The following EYA1 variants were observed in gnomAD, a reference collection of about 807,000 sequenced individuals.
The protein encoded by EYA1 is protein phosphatase EYA1.
In EYA1, 16 loss-of-function variants were observed where a neutral mutation model predicts 82.0. The observed-to-expected ratio is 0.20, with a 90% CI of 0.13 to 0.30. The LOEUF (loss-of-function observed/expected upper bound fraction) is 0.30. EYA1 is among the 10% of genes least tolerant of loss of function. EYA1 has a pLI of 1.00. For missense variants in EYA1, 633 were observed against 730.7 expected, an observed-to-expected ratio of 0.87 and a Z score of 1.54; for synonymous variants, 261 against 264.4, an observed-to-expected ratio of 0.99 and a Z score of 0.12.
At chr8:71,285,929 C>A (rs1818317169) in intron 9 of EYA1, among the ~76,000 whole-genome samples, 1 of 151,962 alleles carries the variant, frequency 6.6e-6, no homozygotes, top group Non-Finnish European at 1.5e-5. Context: ...TTAAGATAAC[C>A]CACCAAATAT....
At chr8:71,323,717 G>A (rs1822842219) in intron 4 of EYA1, among the ~76,000 whole-genome samples, 1 of 152,192 alleles carries the variant, frequency 6.6e-6, no homozygotes, top group Non-Finnish European at 1.5e-5. Flanking sequence ...TCTGTTCCAG[G>A]TGCTGTGCTA....
At chr8:71,493,918 G>A (rs1414392832) in intron 2 of EYA1, among the ~76,000 whole-genome samples, 1 of 145,528 alleles carries the variant, frequency 6.9e-6, no homozygotes, top group Non-Finnish European at 1.5e-5. Context: ...AGCTACTTGG[G>A]AGGCTGAGGC....
chr8:71,407,696 A>T (rs1307512314), intron 2 of EYA1, among the ~76,000 whole-genome samples: 1 of 121,606 alleles, frequency 8.2e-6, no homozygotes, highest in Non-Finnish European at 1.7e-5. Context: ...GAAATGAGCA[A>T]AGCCTCCAAG....
intron 12 of EYA1, among the ~76,000 whole-genome samples, chr8:71,238,223 TTTTC>T (rs1812076073): frequency 6.6e-6 from 1 of 152,190 alleles, no homozygotes; most frequent in Non-Finnish European, 1.5e-5. Context: ...CATACACAAT[TTTTC>T]TTTAAGTTGG....
intron 9 of EYA1, among the ~76,000 whole-genome samples, chr8:71,280,631 T>C (rs1817705966): frequency 6.6e-6 from 1 of 152,268 alleles, no homozygotes. Context: ...AATTCTCATG[T>C]GGCTGAATGC....
At chr8:71,242,619 A>T (rs1196082141) in intron 12 of EYA1, among the ~76,000 whole-genome samples, 1 of 152,142 alleles carries the variant, frequency 6.6e-6, no homozygotes, top group Non-Finnish European at 1.5e-5. Context: ...GTCTCTATAT[A>T]ATCAGTGTAA....
At chr8:71,434,018 T>A (rs1441047111) in intron 2 of EYA1, among the ~76,000 whole-genome samples, 1 of 152,162 alleles carries the variant, frequency 6.6e-6, no homozygotes, top group African/African-American at 2.4e-5. Flanking sequence ...AATGGCCAAT[T>A]CATGATGTGT....
chr8:71,382,337 A>G (rs988317362), intron 2 of EYA1, among the ~76,000 whole-genome samples: 1 of 152,156 alleles, frequency 6.6e-6, no homozygotes, highest in Non-Finnish European at 1.5e-5. Context: ...TAAAATATAC[A>G]CCAATTTGTG....
At chr8:71,386,778 T>C (rs1828991036) in intron 2 of EYA1, among the ~76,000 whole-genome samples, 1 of 152,222 alleles carries the variant, frequency 6.6e-6, no homozygotes, top group African/African-American at 2.4e-5. Context: ...CTCATGCCTA[T>C]ATAAGTGAAT....
At chr8:71,399,570 G>A (rs1829833902) in intron 2 of EYA1, among the ~76,000 whole-genome samples, 1 of 152,124 alleles carries the variant, frequency 6.6e-6, no homozygotes, top group African/African-American at 2.4e-5. Flanking sequence ...AAATACCTAG[G>A]AATACATCTA....
chr8:71,206,370 C>T (rs970334514), intron 17 of EYA1, among the ~76,000 whole-genome samples: 23 of 151,906 alleles, frequency 1.5e-4, no homozygotes, highest in African/African-American at 5.6e-4. Context: ...CTACAGGCAG[C>T]ACCACTATGC....
At chr8:71,431,722 T>G (rs1805630587) in intron 2 of EYA1, among the ~76,000 whole-genome samples, 1 of 152,192 alleles carries the variant, frequency 6.6e-6, no homozygotes, top group Non-Finnish European at 1.5e-5. Context: ...TTAGTCTGTG[T>G]TACTGAAAGA....
Position 71,216,753 on chromosome 8 carries a change from C to A in EYA1, c.1299G>T (p.Lys433Asn). The A allele has an allele frequency of 1.2e-6, 2 of 1,614,114 alleles. No homozygotes were observed. Among genetic ancestry groups the A allele is most frequent in the Non-Finnish European group, 1.7e-6 (2 of 1,179,992 alleles). The change falls in exon 14 of 18, where the codon AAG becomes AAT. Residue 433 changes from lysine (K) to asparagine (N), a missense_variant. Physicochemically the swap from Lys to Asn is moderately conservative, Grantham distance 94 (BLOSUM62 0). Transcript: ENST00000340726. ...GVRGGVDWMR[K>N]LAFRYRRVKE... is the part of the protein sequence containing the mutation. ...TTACCCGTCTGTAGCGGAAGGCCAA[C>A]TTTCTCATCCAGTCCACACCGCCCC... is the stretch of plus-strand genomic sequence containing the variant.
At chr8:71,308,945 CTT>C (rs1821031819) in intron 7 of EYA1, among the ~76,000 whole-genome samples, 1 of 152,162 alleles carries the variant, frequency 6.6e-6, no homozygotes, top group Non-Finnish European at 1.5e-5. Flanking sequence ...TCTCTGGCCT[CTT>C]TGCCATGGGC....
chr8:71,516,741 T>C (rs1813004471), intron 2 of EYA1, among the ~76,000 whole-genome samples: 1 of 152,086 alleles, frequency 6.6e-6, no homozygotes. Flanking sequence ...CTTTCCCACA[T>C]TCCTGAGTGG....
intron 2 of EYA1, among the ~76,000 whole-genome samples, chr8:71,396,211 T>A (rs1213900446): frequency 6.6e-6 from 1 of 152,214 alleles, no homozygotes; most frequent in African/African-American, 2.4e-5. Flanking sequence ...TCTAGCGGTC[T>A]ATTAATTTTG....
intron 2 of EYA1, among the ~76,000 whole-genome samples, chr8:71,356,097 G>T (rs112584558): frequency 2.6e-5 from 4 of 152,224 alleles, no homozygotes; most frequent in African/African-American, 9.6e-5. Flanking sequence ...TTGACTATGG[G>T]TATCAGTTTT....
At chr8:71,331,285 C>CACACACACACACAT (rs554459560) in intron 4 of EYA1, among the ~76,000 whole-genome samples, 15 of 127,540 alleles carry the variant, frequency 1.2e-4, no homozygotes, top group African/African-American at 3.9e-4. Flanking sequence ...CACACACACA[C>CACACACACACACAT]ATATATATAC....
At position 71,356,724 on chromosome 8, in the gene EYA1, A is replaced by AG. The variant is rs796087672; in HGVS notation, c.-54-214dup. 86 of 1,230,464 alleles carry AG rather than the reference A, an allele frequency of 7.0e-5. No homozygotes were observed. In the African/African-American group the frequency reaches 9.7e-4, roughly 14 times the overall value. The allele number at this position is 1,230,464 out of a possible 1,614,324, so 76.2% of individuals were successfully genotyped here. On this transcript the variant is annotated intron_variant, in intron 1 of 17. Transcript: ENST00000340726. The stretch of plus-strand genomic sequence containing the variant: ...GGTCTATCCTCCTCCTCCCCTTGTC[A>AG]GGGGGGGAAGGCAGCCAAATGACGT...
Sources: allele counts gnomAD v4.1 joint callset (sites outside exome capture counted in the v4.1 genomes callset), GRCh38; gene constraint gnomAD v4.1.1; transcripts MANE v1.5; gene names NCBI Gene and HGNC (gene_info 2026-07-23, HGNC 2026-07-21).